Variants in NCAPD3 observed in about 807,000 individuals in gnomAD.
NCAPD3 encodes the protein condensin-2 complex subunit D3.
In NCAPD3, 105 loss-of-function variants were observed where a neutral mutation model predicts 182.9. The ratio of observed to expected loss-of-function variants is 0.57; its 90% CI spans 0.49 to 0.68. NCAPD3 has a LOEUF of 0.68. NCAPD3 is among the 30% of genes least tolerant of loss of function. The pLI is 0.00. For synonymous variants in NCAPD3, 815 were observed against 679.9 expected, an observed-to-expected ratio of 1.20 and a Z score of -3.09; for missense variants, 1,944 against 1,837.0, an observed-to-expected ratio of 1.06 and a Z score of -1.07.
At chr11:134,170,806 T>C (rs1458929646) in intron 24 of NCAPD3, among the ~76,000 whole-genome samples, 3 of 152,262 alleles carry the variant, frequency 2.0e-5, no homozygotes, top group Non-Finnish European at 1.5e-5. Context: ...GCTGAAAATG[T>C]AGTCACAGAG....
intron 19 of NCAPD3, chr11:134,183,049 G>C: frequency 2.2e-6 from 1 of 454,434 alleles, no homozygotes; most frequent in Admixed American, 2.4e-5. Context: ...AGGCTCTCAT[G>C]ACAATGTAAC....
chr11:134,185,590 G>A, intron 16 of NCAPD3, 64 bp from the exon 17 acceptor site: 2 of 1,344,018 alleles, frequency 1.5e-6, no homozygotes, highest in Non-Finnish European at 2.0e-6. Context: ...ATTCAGATGG[G>A]AGCCTCACTG....
intron 22 of NCAPD3, chr11:134,177,882 CCTTT>C (rs35739849): frequency 6.5e-4 from 100 of 153,336 alleles, no homozygotes; most frequent in South Asian, 2.9e-3. Flanking sequence ...ATGCATGTCC[CCTTT>C]CTTTCTTTCT....
chr11:134,165,965 G>C, intron 27 of NCAPD3, among the ~76,000 whole-genome samples: 1 of 121,360 alleles, frequency 8.2e-6, no homozygotes, highest in African/African-American at 3.2e-5. Flanking sequence ...CTTGGGGGAG[G>C]GGCACACTCA....
rs952147307 is a variant in NCAPD3, at chr11:134,161,786, G to T, written c.3679C>A (p.Leu1227Ile). ...IPALRELMHY[L>I]REVMQDYRDE... ...AGCACAGGCTCCACCCTTACCCTGAGATAGTGCATGAGTTCCCGCAAAGCT... is the reference window on the plus strand; with the variant it reads ...AGCACAGGCTCCACCCTTACCCTGATATAGTGCATGAGTTCCCGCAAAGCT... The change falls in exon 28 of 35, where the codon CTC becomes ATC. Residue 1227 changes from leucine to isoleucine, a missense_variant. By Grantham distance (5) the Leu-to-Ile change is conservative (BLOSUM62 2). Transcript: ENST00000534548. The T allele has an allele frequency of 6.5e-6, 10 of 1,549,012 alleles. No homozygotes were observed. The African/African-American group carries it at 1.4e-4, about 21-fold the overall frequency.
chr11:134,222,776 C>T (rs1312541458), intron 1 of NCAPD3, among the ~76,000 whole-genome samples: 2 of 152,188 alleles, frequency 1.3e-5, no homozygotes, highest in African/African-American at 2.4e-5. Flanking sequence ...TCCCAGCAAG[C>T]ACAGTGTAAC....
chr11:134,171,153 C>T (rs1943997407), intron 24 of NCAPD3, among the ~76,000 whole-genome samples: 2 of 152,122 alleles, frequency 1.3e-5, no homozygotes, highest in Non-Finnish European at 2.9e-5. Flanking sequence ...CATCCTCTCC[C>T]CAGCCCTCAG....
intron 27 of NCAPD3, among the ~76,000 whole-genome samples, chr11:134,167,578 T>G (rs1763669199): frequency 2.0e-5 from 2 of 101,104 alleles, no homozygotes; most frequent in Non-Finnish European, 3.7e-5. Context: ...ACTAGTGAGA[T>G]GAGCTTGGGG....
At chr11:134,215,084 G>A (rs565410974) in intron 3 of NCAPD3, among the ~76,000 whole-genome samples, 2 of 152,234 alleles carry the variant, frequency 1.3e-5, no homozygotes, top group African/African-American at 4.8e-5. Context: ...ATTAGAATAA[G>A]AAACAAAAAC....
upstream of NCAPD3, chr11:134,225,103 C>T (rs1184919296): frequency 2.5e-6 from 4 of 1,583,020 alleles, no homozygotes; most frequent in African/African-American, 1.3e-5. Flanking sequence ...TTACCGAGAC[C>T]CGCCCGGCCC....
chr11:134,193,923 G>C lies in NCAPD3; in HGVS notation c.1824+93C>G, dbSNP rs1421518333. On this transcript the variant is annotated intron_variant, in intron 15 of 34. Coordinates refer to ENST00000534548, the MANE Select transcript of NCAPD3 (RefSeq NM_015261.3). ...AGTGGACTTAGTAGAGTTTTTAAAG[G>C]TCAACTTAACGTTTAGCAGCAGGTA... 9 of 1,343,720 alleles carry C rather than the reference G, an allele frequency of 6.7e-6. No individual in the cohort carries two copies. In the Middle Eastern group the frequency reaches 6.7e-4, roughly 101 times the overall value. The allele number at this position is 1,343,720 out of a possible 1,614,324, so 83.2% of individuals were successfully genotyped here.
chr11:134,220,444 C>CTTTTTTTTTTTTTTTTTTTTTTTTTTTT (rs1480704000), intron 2 of NCAPD3, 128 bp downstream of exon 2: 1 of 802,034 alleles, frequency 1.2e-6, no homozygotes, highest in Non-Finnish European at 1.9e-6. Flanking sequence ...TAACCACATT[C>CTTTTTTTTTTTTTTTTTTTTTTTTTTTT]TTTATGTTAC....
intron 3 of NCAPD3, among the ~76,000 whole-genome samples, chr11:134,211,163 A>C (rs1343056697): frequency 3.3e-5 from 5 of 152,248 alleles, no homozygotes; most frequent in Non-Finnish European, 5.9e-5. Flanking sequence ...TAGAGACCTC[A>C]GAACAAACAC....
chr11:134,209,284 G>A, intron 5 of NCAPD3, 29 bp downstream of exon 5: 1 of 1,608,956 alleles, frequency 6.2e-7, no homozygotes, highest in Admixed American at 1.7e-5. Flanking sequence ...CTTTGAAGTT[G>A]CCCTAAGGTT....
Position 134,206,730 on chromosome 11 carries a change from G to A in NCAPD3, c.885C>T (p.Val295=), listed in dbSNP as rs1937622794. ...CSPIHGEGDK[V]ISCVFHQMLS... ...GCATTTGATGGAAAACACAACTGAT[G>A]ACCTAGAAGAGAAAAGAAAATTCAA... Residue 295 remains valine (V), a splice_region_variant and synonymous_variant, in exon 8 of 35, where the codon GTC becomes GTT. Transcript: ENST00000534548. 3.1e-6 allele frequency: 5 copies of A among 1,600,090 alleles called. No individual in the cohort carries two copies. Among genetic ancestry groups the A allele is most frequent in the African/African-American group, 1.4e-5 (1 of 73,558 alleles).
chr11:134,186,382 TTGTC>T (rs373341392), intron 16 of NCAPD3, among the ~76,000 whole-genome samples: 11 of 152,040 alleles, frequency 7.2e-5, no homozygotes, highest in Admixed American at 1.3e-4. Flanking sequence ...CTCTCTCTCT[TTGTC>T]TGTCTTTCTT....
At position 134,210,251 on chromosome 11, in the gene NCAPD3, T is replaced by G; in HGVS notation, c.567+19A>C. The G allele has an allele frequency of 6.3e-7, 1 of 1,599,528 alleles. No individual in the cohort carries two copies. The highest frequency in any genetic ancestry group is 1.1e-5 in the South Asian group (1 of 89,696). ...ATCGTGTGTTGGTATATATGTTTTA[T>G]ACTCAACTTACTTCTTACCTCAATA... On this transcript the variant is annotated intron_variant, in intron 4 of 34. Coordinates refer to ENST00000534548, the MANE Select transcript of NCAPD3 (RefSeq NM_015261.3).
intron 19 of NCAPD3, among the ~76,000 whole-genome samples, chr11:134,181,652 T>C (rs373764358): frequency 3.9e-5 from 6 of 152,226 alleles, no homozygotes; most frequent in African/African-American, 1.4e-4. Context: ...TCCGTGTCTC[T>C]CACTGATTAC....
intron 19 of NCAPD3, chr11:134,182,936 G>A (rs139108521): frequency 6.3e-6 from 2 of 316,634 alleles, no homozygotes; most frequent in East Asian, 9.4e-5. Context: ...GTGAGGTTGT[G>A]TCGGCAGATT....
Sources: allele counts gnomAD v4.1 joint callset (sites outside exome capture counted in the v4.1 genomes callset), GRCh38; gene constraint gnomAD v4.1.1; transcripts MANE v1.5; gene names NCBI Gene and HGNC (gene_info 2026-07-23, HGNC 2026-07-21).